The following ARFGEF1 variants were observed in gnomAD, a reference collection of about 807,000 sequenced individuals.
The protein encoded by ARFGEF1 is ARF guanine nucleotide exchange factor 1.
In ARFGEF1, 42 loss-of-function variants were observed where a neutral mutation model predicts 231.0. The observed-to-expected ratio is 0.18, with a 90% confidence interval of 0.14 to 0.24. ARFGEF1 has a LOEUF of 0.24. ARFGEF1 is among the 10% of genes least tolerant of loss of function. The pLI is 1.00. For missense variants in ARFGEF1, 1,345 were observed against 2,192.0 expected (o/e 0.61, Z 7.72); for synonymous variants, 710 against 732.3 (o/e 0.97, Z 0.49).
intron 29 of ARFGEF1, among the ~76,000 whole-genome samples, chr8:67,220,707 C>G (rs1839119926): frequency 1.3e-5 from 2 of 152,156 alleles, no homozygotes; most frequent in African/African-American, 2.4e-5. Flanking sequence ...TGCAATGGAA[C>G]AAGGCTCCCT....
chr8:67,242,758 T>G (rs1420481540), intron 19 of ARFGEF1, among the ~76,000 whole-genome samples: 2 of 152,194 alleles, frequency 1.3e-5, no homozygotes, highest in Non-Finnish European at 2.9e-5. Flanking sequence ...ATGGCATTTC[T>G]GTACCTGCCC....
chr8:67,336,858 C>T (rs1269918224), intron 1 of ARFGEF1, among the ~76,000 whole-genome samples: 1 of 152,160 alleles, frequency 6.6e-6, no homozygotes, highest in African/African-American at 2.4e-5. Flanking sequence ...AGGCCGGGCG[C>T]GGTGGCTCAC....
intron 1 of ARFGEF1, among the ~76,000 whole-genome samples, chr8:67,328,043 A>G (rs1807920622): frequency 6.6e-6 from 1 of 152,088 alleles, no homozygotes; most frequent in Non-Finnish European, 1.5e-5. Context: ...GGGGTGAAAG[A>G]AAGGGGTGGA....
At chr8:67,219,742 C>T (rs965317799) in intron 29 of ARFGEF1, among the ~76,000 whole-genome samples, 182 bp from the exon 30 acceptor site, 1 of 151,802 alleles carries the variant, frequency 6.6e-6, no homozygotes, top group Non-Finnish European at 1.5e-5. Context: ...TAGGATACAT[C>T]ATTCGGGAAA....
rs1462174668 is a variant in ARFGEF1 at position 67,292,018 on chromosome 8, A to G, written c.745T>C (p.Leu249=). Residue 249 remains leucine (L), a synonymous_variant, in exon 6 of 39, where the codon TTG becomes CTG. Coordinates refer to ENST00000262215, the MANE Select transcript of ARFGEF1 (RefSeq NM_006421.5). ...ATATGATCAACAGTCTGAGGTGGCAAATATCTAAGTTGAGGTGATTCAGGC... is the reference window on the plus strand; with the variant it reads ...ATATGATCAACAGTCTGAGGTGGCAGATATCTAAGTTGAGGTGATTCAGGC... ...HEPESPQLRY[L]PPQTVDHISQ... 1 of 1,613,910 alleles carries G rather than the reference A, an allele frequency of 6.2e-7. No individual in the cohort carries two copies. Among genetic ancestry groups the G allele is most frequent in the South Asian group, 1.1e-5 (1 of 91,076 alleles).
chr8:67,268,340 C>T (rs1440757752), intron 10 of ARFGEF1, among the ~76,000 whole-genome samples: 3 of 152,130 alleles, frequency 2.0e-5, no homozygotes, highest in Non-Finnish European at 4.4e-5. Flanking sequence ...GTCCATATTG[C>T]AGGGCACATA....
At chr8:67,339,170 A>G (rs928001896) in intron 1 of ARFGEF1, among the ~76,000 whole-genome samples, 1 of 152,168 alleles carries the variant, frequency 6.6e-6, no homozygotes, top group Non-Finnish European at 1.5e-5. Flanking sequence ...TATGATGAAC[A>G]ATATAAATTC....
At chr8:67,309,059 C>A (rs929735583) in intron 1 of ARFGEF1, among the ~76,000 whole-genome samples, 1 of 152,100 alleles carries the variant, frequency 6.6e-6, no homozygotes, top group Non-Finnish European at 1.5e-5. Context: ...CAATGGAATA[C>A]CATTCTGCCT....
chr8:67,181,394 G>A (rs1184135400), intron 5 of ARFGEF1, among the ~76,000 whole-genome samples: 1 of 146,422 alleles, frequency 6.8e-6, no homozygotes, highest in Non-Finnish European at 1.5e-5. Flanking sequence ...AAGATGCACT[G>A]CGGAGAGAAG....
intron 33 of ARFGEF1, among the ~76,000 whole-genome samples, chr8:67,213,256 A>G (rs922885817): frequency 1.3e-5 from 2 of 152,216 alleles, no homozygotes; most frequent in African/African-American, 4.8e-5. Flanking sequence ...TTGCTACTTT[A>G]CAGCCTCCTG....
intron 7 of ARFGEF1, among the ~76,000 whole-genome samples, chr8:67,282,883 T>C (rs1188946091): frequency 6.8e-6 from 1 of 147,562 alleles, no homozygotes; most frequent in Non-Finnish European, 1.5e-5. Flanking sequence ...AAGAAAATAA[T>C]ATAAGCAAAG....
chr8:67,266,431 G>A (rs950104562), intron 13 of ARFGEF1, among the ~76,000 whole-genome samples: 3 of 152,150 alleles, frequency 2.0e-5, no homozygotes, highest in African/African-American at 7.2e-5. Flanking sequence ...TCTTTTTGCA[G>A]TTGCAGTGCT....
intron 20 of ARFGEF1, among the ~76,000 whole-genome samples, 172 bp from the exon 21 acceptor site, chr8:67,239,065 G>A (rs944820628): frequency 1.3e-5 from 2 of 151,642 alleles, no homozygotes; most frequent in African/African-American, 4.8e-5. Context: ...GGGGTTCAAT[G>A]GCGCAATCTC....
At chr8:67,225,978 G>T in intron 28 of ARFGEF1, 45 bp downstream of exon 28, 1 of 1,496,856 alleles carries the variant, frequency 6.7e-7, no homozygotes, top group African/African-American at 1.4e-5. Context: ...ATTTCAAATT[G>T]GAAAGAATAC....
At position 67,318,053 on chromosome 8, in the gene ARFGEF1, C is replaced by T. The variant is rs554437810; in HGVS notation, c.125-15587G>A. On this transcript the variant is annotated intron_variant, in intron 1 of 38. Transcript: ENST00000262215. The stretch of plus-strand genomic sequence containing the variant: ...GAGATCGAGACCATCCTGGCTAACA[C>T]GGTGAAACCCCATCTCTACTAAAAA... 4.5e-4 allele frequency among the ~76,000 whole-genome samples: 68 copies of T among 151,350 alleles called. 1 individual carries two copies. The East Asian group carries it at 0.012, about 27-fold the overall frequency.
At chr8:67,212,696 G>T (rs1442236132) in intron 33 of ARFGEF1, among the ~76,000 whole-genome samples, 3 of 151,908 alleles carry the variant, frequency 2.0e-5, no homozygotes, top group Admixed American at 2.0e-4. Context: ...CTGTGTGAAA[G>T]GAAGATGGGC....
At chr8:67,286,774 T>TCTCATGG (rs1346495704) in intron 7 of ARFGEF1, among the ~76,000 whole-genome samples, 3 of 152,192 alleles carry the variant, frequency 2.0e-5, no homozygotes, top group African/African-American at 7.2e-5. Context: ...CACTTGGTAA[T>TCTCATGG]CTCATGGCTT....
chr8:67,321,554 G>T (rs556252867), intron 1 of ARFGEF1, among the ~76,000 whole-genome samples: 1 of 152,078 alleles, frequency 6.6e-6, no homozygotes, highest in Non-Finnish European at 1.5e-5. Context: ...TCCACCTCCC[G>T]GGTTCACGCT....
At chr8:67,306,780 T>C (rs1187380597) in intron 1 of ARFGEF1, among the ~76,000 whole-genome samples, 1 of 152,188 alleles carries the variant, frequency 6.6e-6, no homozygotes, top group East Asian at 1.9e-4. Context: ...TTTGTTTGTT[T>C]TGCTTTCCTT....
Sources: gnomAD v4.1 joint callset for allele counts (sites outside exome capture counted in the v4.1 genomes callset) on GRCh38, gnomAD v4.1.1 for gene constraint, MANE v1.5 for transcripts, NCBI Gene and HGNC (gene_info 2026-07-23, HGNC 2026-07-21) for gene names.